The following RSBN1L variants were observed in gnomAD, a reference collection of about 807,000 sequenced individuals.
The protein encoded by RSBN1L is lysine-specific demethylase RSBN1L.
In RSBN1L, 30 loss-of-function variants were observed where a neutral mutation model predicts 67.7. The ratio of observed to expected loss-of-function variants is 0.44; its 90% CI spans 0.33 to 0.60. RSBN1L has a LOEUF of 0.60. RSBN1L is among the 20% of genes least tolerant of loss of function. The pLI is 0.02. For missense variants in RSBN1L, 992 were observed against 1,031.7 expected, an observed-to-expected ratio of 0.96 and a Z score of 0.53; for synonymous variants, 433 against 387.0, an observed-to-expected ratio of 1.12 and a Z score of -1.39.
chr7:77,712,683 G>A (rs890176779), intron 1 of RSBN1L, among the ~76,000 whole-genome samples: 3 of 152,138 alleles, frequency 2.0e-5, no homozygotes, highest in African/African-American at 7.2e-5. Flanking sequence ...AATATGTGTA[G>A]AACTATATTA....
intron 1 of RSBN1L, among the ~76,000 whole-genome samples, chr7:77,732,266 G>A (rs1166584446): frequency 2.6e-5 from 4 of 152,164 alleles, no homozygotes; most frequent in African/African-American, 9.7e-5. Context: ...ATGTATTATA[G>A]TAAACAGTGA....
rs1345555112 is a variant in RSBN1L at position 77,697,157 on chromosome 7, CCGGCCTGGA to C, written c.586+103_586+111del. On this transcript the variant is annotated intron_variant, in intron 1 of 7. Coordinates refer to ENST00000334955, the MANE Select transcript of RSBN1L (RefSeq NM_198467.3). ...AGGGGGAGCGCGGCGGCCGCGTGCG[CCGGCCTGGA>C]GGGGCTGGGAGGCGTCCGGTTTTCA... 14 of 1,255,546 alleles carry C rather than the reference CCGGCCTGGA, an allele frequency of 1.1e-5. No individual in the cohort carries two copies. The African/African-American group carries it at 2.2e-4, about 20-fold the overall frequency. 77.8% of individuals were successfully genotyped at this position (1,255,546 alleles called of 1,614,324 possible).
Position 77,773,320 on chromosome 7 carries a change from T to A in RSBN1L, c.1793+6T>A. ...GCTGTGCACTGTGGAGAGTGGTATATATAACTACCGCTATTTTAATGAAAG... is the reference window on the plus strand; with the variant it reads ...GCTGTGCACTGTGGAGAGTGGTATAAATAACTACCGCTATTTTAATGAAAG... On this transcript the variant is annotated splice_donor_region_variant and intron_variant, in intron 6 of 7. Coordinates refer to ENST00000334955, the MANE Select transcript of RSBN1L (RefSeq NM_198467.3). 1 of 1,480,046 alleles carries A rather than the reference T, an allele frequency of 6.8e-7. No individual in the cohort carries two copies. The highest frequency in any genetic ancestry group is 1.4e-5 in the South Asian group (1 of 70,630). 91.7% of individuals were successfully genotyped at this position (1,480,046 alleles called of 1,614,324 possible). A position where few individuals can be genotyped will look rare whatever the true frequency, so the allele number is the denominator to read the frequency against.
chr7:77,746,928 C>T (rs1240569668), intron 2 of RSBN1L, among the ~76,000 whole-genome samples: 1 of 152,222 alleles, frequency 6.6e-6, no homozygotes, highest in African/African-American at 2.4e-5. Flanking sequence ...GGTGGGCTCC[C>T]AGTGCCTTGG....
intron 2 of RSBN1L, among the ~76,000 whole-genome samples, chr7:77,748,493 T>A (rs1183310492): frequency 1.3e-5 from 2 of 152,156 alleles, no homozygotes; most frequent in Non-Finnish European, 2.9e-5. Context: ...TTTTTCTTTA[T>A]TTTTTTCTTT....
rs114435395 is a variant in RSBN1L at position 77,777,677 on chromosome 7, T to C, written c.1794-661T>C. ...TCACTGGTTTTTAGAAATTTAGTTA[T>C]GATTTGCCTTCATATGATTTTCTTT... On this transcript the variant is annotated intron_variant, in intron 6 of 7. Coordinates refer to ENST00000334955, the MANE Select transcript of RSBN1L (RefSeq NM_198467.3). Among the ~76,000 whole-genome samples the C allele has an allele frequency of 1.9e-3, 296 of 152,232 alleles. 3 individuals carry two copies. Among genetic ancestry groups the C allele is most frequent in the African/African-American group, 6.9e-3 (288 of 41,584 alleles).
rs1484137693 is a variant in RSBN1L at position 77,749,702 on chromosome 7, T to G, written c.982T>G (p.Leu328Val). ...PENSEFPFVSLKEPRVQNNLK... is the reference protein window; with the variant it reads ...PENSEFPFVSVKEPRVQNNLK... ...GAACAGTGAGTTTCCATTTGTCTCA[T>G]TAAAGGAGCCACGAGTTCAGAATAA... Residue 328 changes from leucine (L) to valine (V), a missense_variant, in exon 3 of 8, where the codon TTA becomes GTA. This residue lies in a region of RSBN1L where 575 missense variants were observed against 483.2 expected (regional missense o/e 1.19). Transcript: ENST00000334955. 1.9e-6 allele frequency: 3 copies of G among 1,614,010 alleles called. No homozygotes were observed. The highest frequency in any genetic ancestry group is 8.5e-7 in the Non-Finnish European group (1 of 1,180,024).
intron 3 of RSBN1L, among the ~76,000 whole-genome samples, chr7:77,754,986 C>CTA (rs60482613): frequency 0.094 from 14,317 of 151,956 alleles, 934 homozygotes; most frequent in South Asian, 0.19. Context: ...TATCTATTCA[C>CTA]TATATATATA....
intron 1 of RSBN1L, among the ~76,000 whole-genome samples, chr7:77,715,484 T>G (rs1459797500): frequency 1.3e-5 from 2 of 151,932 alleles, no homozygotes; most frequent in Non-Finnish European, 2.9e-5. Flanking sequence ...TTTTAAAAAT[T>G]TTTAGTCAAG....
At chr7:77,757,835 G>GT (rs955239235) in intron 3 of RSBN1L, among the ~76,000 whole-genome samples, 2 of 152,168 alleles carry the variant, frequency 1.3e-5, no homozygotes, top group Non-Finnish European at 2.9e-5. Context: ...TAGAAAGAGG[G>GT]TAAGCCCCAG....
intron 6 of RSBN1L, among the ~76,000 whole-genome samples, chr7:77,775,245 G>C (rs954871511): frequency 6.6e-5 from 10 of 152,130 alleles, no homozygotes; most frequent in Admixed American, 2.0e-4. Context: ...TTAAAAAAAG[G>C]AGAAACAGGC....
At chr7:77,717,778 G>A (rs1791067066) in intron 1 of RSBN1L, among the ~76,000 whole-genome samples, 1 of 152,208 alleles carries the variant, frequency 6.6e-6, no homozygotes, top group South Asian at 2.1e-4. Flanking sequence ...AGCACTTTGG[G>A]AGGCTGAGGT....
At position 77,749,744 on chromosome 7, in the gene RSBN1L, A is replaced by G. The variant is rs1791529759; in HGVS notation, c.1024A>G (p.Thr342Ala). ...TCAGAATAACCTCAAAAGGTTGGACACTTTGGAATTTAAACAACTCATTCA... is the reference window on the plus strand; with the variant it reads ...TCAGAATAACCTCAAAAGGTTGGACGCTTTGGAATTTAAACAACTCATTCA... ...RVQNNLKRLD[T>A]LEFKQLIHIE... Residue 342 changes from threonine (T) to alanine (A), a missense_variant, in exon 3 of 8, where the codon ACT becomes GCT. Thr to Ala is a moderately conservative substitution (Grantham distance 58, BLOSUM62 0). This residue lies in a region of RSBN1L where 575 missense variants were observed against 483.2 expected (regional missense o/e 1.19). Coordinates refer to ENST00000334955, the MANE Select transcript of RSBN1L (RefSeq NM_198467.3). The G allele has an allele frequency of 1.2e-6, 2 of 1,614,156 alleles. No homozygotes were observed. Among genetic ancestry groups the G allele is most frequent in the Non-Finnish European group, 1.7e-6 (2 of 1,179,976 alleles).
intron 1 of RSBN1L, among the ~76,000 whole-genome samples, chr7:77,707,306 G>A (rs1790906695): frequency 6.6e-6 from 1 of 152,174 alleles, no homozygotes; most frequent in Non-Finnish European, 1.5e-5. Context: ...TTATAGGCTT[G>A]AGCAACCGTG....
chr7:77,711,068 G>C (rs1018538107), intron 1 of RSBN1L, among the ~76,000 whole-genome samples: 1 of 152,070 alleles, frequency 6.6e-6, no homozygotes, highest in Non-Finnish European at 1.5e-5. Flanking sequence ...AGAGATGCCC[G>C]ATTATCATTT....
rs188165888 is a variant in RSBN1L at position 77,708,989 on chromosome 7, G to A, written c.586+11934G>A. On this transcript the variant is annotated intron_variant, in intron 1 of 7. Transcript: ENST00000334955. ...ATATTTTCATGGCTTCAGATGAAGA[G>A]AATAAGCATATCACTGAAGAATTGA... Among the ~76,000 whole-genome samples the A allele has an allele frequency of 2.0e-5, 3 of 152,302 alleles. No individual in the cohort carries two copies. The East Asian group carries it at 5.8e-4, about 29-fold the overall frequency.
chr7:77,744,217 G>T (rs1468094836), intron 2 of RSBN1L, among the ~76,000 whole-genome samples: 1 of 151,562 alleles, frequency 6.6e-6, no homozygotes, highest in East Asian at 1.9e-4. Flanking sequence ...AAAAGATTTT[G>T]TAGAGACAGG....
At chr7:77,700,230 A>G (rs1321392957) in intron 1 of RSBN1L, among the ~76,000 whole-genome samples, 1 of 152,230 alleles carries the variant, frequency 6.6e-6, no homozygotes, top group Non-Finnish European at 1.5e-5. Context: ...AAAAGTGGAC[A>G]TATACCAAGG....
intron 5 of RSBN1L, among the ~76,000 whole-genome samples, chr7:77,771,035 G>A (rs1210185379): frequency 3.9e-5 from 6 of 152,092 alleles, no homozygotes; most frequent in African/African-American, 7.2e-5. Context: ...TCCACCTCCC[G>A]GTTTCAAGCG....
Sources: allele counts gnomAD v4.1 joint callset (sites outside exome capture counted in the v4.1 genomes callset), GRCh38; gene constraint gnomAD v4.1.1; regional missense constraint gnomAD v4.1.1; transcripts MANE v1.5; gene names NCBI Gene and HGNC (gene_info 2026-07-23, HGNC 2026-07-21).